The following SPIN1 variants were observed in gnomAD, a reference collection of about 807,000 sequenced individuals.
SPIN1 encodes spindlin 1.
A neutral mutation model predicts 26.0 loss-of-function variants in SPIN1; 3 were observed. The ratio of observed to expected loss-of-function variants is 0.12; its 90% CI spans 0.05 to 0.30. SPIN1 has a LOEUF of 0.30. SPIN1 is among the 10% of genes least tolerant of loss of function. The pLI is 1.00. For missense variants in SPIN1, 126 were observed against 333.4 expected (o/e 0.38, Z 4.84); for synonymous variants, 101 against 116.5 (o/e 0.87, Z 0.86).
chr9:88,396,566 C>T (rs1171280523), intron 1 of SPIN1, among the ~76,000 whole-genome samples: 3 of 152,140 alleles, frequency 2.0e-5, no homozygotes, highest in African/African-American at 7.2e-5. Flanking sequence ...CACACCCCTG[C>T]ACTCCAGACT....
chr9:88,437,913 A>G (rs1177504692), intron 2 of SPIN1, among the ~76,000 whole-genome samples: 1 of 152,050 alleles, frequency 6.6e-6, no homozygotes, highest in Non-Finnish European at 1.5e-5. Context: ...CAATCCCAGC[A>G]CTTTGGGAGG....
intron 1 of SPIN1, among the ~76,000 whole-genome samples, chr9:88,413,731 G>T (rs1173544819): frequency 6.6e-6 from 1 of 152,130 alleles, no homozygotes; most frequent in African/African-American, 2.4e-5. Context: ...AAAATCAATT[G>T]TGGGGTGGTC....
At chr9:88,444,784 G>C (rs541240052) in intron 2 of SPIN1, among the ~76,000 whole-genome samples, 2 of 147,006 alleles carry the variant, frequency 1.4e-5, no homozygotes, top group African/African-American at 5.1e-5. Context: ...TCCACCTCCC[G>C]GGTTCACACC....
At chr9:88,404,864 C>G (rs535401954) in intron 1 of SPIN1, among the ~76,000 whole-genome samples, 2 of 148,338 alleles carry the variant, frequency 1.3e-5, no homozygotes, top group Non-Finnish European at 3.0e-5. Context: ...TGCAGTGAGC[C>G]GAGATCGTGC....
chr9:88,424,056 C>T (rs1827720757), intron 1 of SPIN1, among the ~76,000 whole-genome samples: 1 of 152,202 alleles, frequency 6.6e-6, no homozygotes, highest in African/African-American at 2.4e-5. Context: ...GTGTGAACCA[C>T]TGCGCCTGGC....
At chr9:88,459,745 C>T (rs1010542901) in intron 3 of SPIN1, among the ~76,000 whole-genome samples, 2 of 152,132 alleles carry the variant, frequency 1.3e-5, no homozygotes, top group Non-Finnish European at 2.9e-5. Flanking sequence ...CTGTGAGTTC[C>T]TTGATTATCT....
chr9:88,397,270 G>T (rs779835606), intron 1 of SPIN1, among the ~76,000 whole-genome samples: 1 of 152,010 alleles, frequency 6.6e-6, no homozygotes, highest in Non-Finnish European at 1.5e-5. Flanking sequence ...ATCCACTGTA[G>T]TATATGTGGT....
intron 2 of SPIN1, among the ~76,000 whole-genome samples, chr9:88,430,039 C>A (rs1827836700): frequency 6.6e-6 from 1 of 152,224 alleles, no homozygotes; most frequent in South Asian, 2.1e-4. Flanking sequence ...GAGTCTTAAT[C>A]ATTCTTCCTG....
intron 1 of SPIN1, among the ~76,000 whole-genome samples, chr9:88,400,775 G>A (rs1023695418): frequency 6.6e-6 from 1 of 151,928 alleles, no homozygotes; most frequent in Non-Finnish European, 1.5e-5. Flanking sequence ...AGCCCAGGAG[G>A]CAGAGGTTGC....
chr9:88,415,301 T>G (rs1211720515), intron 1 of SPIN1, among the ~76,000 whole-genome samples: 1 of 152,202 alleles, frequency 6.6e-6, no homozygotes, highest in East Asian at 1.9e-4. Flanking sequence ...CTTAAGTAGC[T>G]GAACATTGTG....
At chr9:88,439,065 AC>A (rs1828066420) in intron 2 of SPIN1, among the ~76,000 whole-genome samples, 1 of 152,172 alleles carries the variant, frequency 6.6e-6, no homozygotes, top group Admixed American at 6.5e-5. Context: ...TTTTTTTCTC[AC>A]CTAAAAAAAT....
At position 88,475,035 on chromosome 9, in the gene SPIN1, TTC is replaced by T. The variant is rs749902187; in HGVS notation, c.590-31_590-30del. The T allele has an allele frequency of 1.3e-3, 1,802 of 1,341,776 alleles. 6 individuals are homozygous for T. The highest frequency in any genetic ancestry group is 2.8e-3 in the South Asian group (166 of 59,640). The allele number at this position is 1,341,776 out of a possible 1,614,324, so 83.1% of individuals were successfully genotyped here. Reference sequence around the variant, plus strand: ...ATATCTAAAAATTGACTTAGAAATTTTCTCTCTCTCTCTTTTTTTTTTTTTTT... The same window carrying T: ...ATATCTAAAAATTGACTTAGAAATTTTCTCTCTCTCTTTTTTTTTTTTTTT... On this transcript the variant is annotated intron_variant, in intron 5 of 5. Transcript: ENST00000375859.
At chr9:88,405,836 A>C (rs145812245) in intron 1 of SPIN1, among the ~76,000 whole-genome samples, 35 of 148,970 alleles carry the variant, frequency 2.3e-4, no homozygotes, top group Admixed American at 7.4e-4. Flanking sequence ...GCTCCATTAT[A>C]ATTTTTTTTG....
At chr9:88,430,697 C>T (rs773078607) in intron 2 of SPIN1, among the ~76,000 whole-genome samples, 6 of 152,060 alleles carry the variant, frequency 3.9e-5, no homozygotes, top group East Asian at 1.9e-4. Context: ...AAATAACTTA[C>T]GTTTATCTGT....
chr9:88,410,519 T>C, intron 1 of SPIN1: 3 of 787,480 alleles, frequency 3.8e-6, no homozygotes, highest in Non-Finnish European at 4.5e-6. Context: ...TGCTAAGCTT[T>C]GTTACCTAAT....
At chr9:88,457,146 G>A (rs914473133) in intron 3 of SPIN1, among the ~76,000 whole-genome samples, 6 of 151,950 alleles carry the variant, frequency 3.9e-5, no homozygotes, top group Non-Finnish European at 8.8e-5. Context: ...GACTACAAAT[G>A]GGTGATAATT....
At chr9:88,453,919 T>G (rs2118155788) in intron 3 of SPIN1, among the ~76,000 whole-genome samples, 2 of 152,370 alleles carry the variant, frequency 1.3e-5, no homozygotes, top group Middle Eastern at 3.4e-3. Context: ...GCTGTGTAAT[T>G]GTTCACCATA....
intron 3 of SPIN1, among the ~76,000 whole-genome samples, chr9:88,456,703 A>G (rs1828479418): frequency 6.6e-6 from 1 of 152,214 alleles, no homozygotes; most frequent in Admixed American, 6.5e-5. Flanking sequence ...ATGCCACTTC[A>G]TCTTGACTTG....
intron 1 of SPIN1, among the ~76,000 whole-genome samples, chr9:88,394,900 C>G (rs1827019336): frequency 6.6e-6 from 1 of 150,722 alleles, no homozygotes; most frequent in Non-Finnish European, 1.5e-5. Context: ...AGCTCCGCCT[C>G]CCGGGTTCAC....
Sources: allele counts gnomAD v4.1 joint callset (sites outside exome capture counted in the v4.1 genomes callset), GRCh38; gene constraint gnomAD v4.1.1; transcripts MANE v1.5; gene names NCBI Gene and HGNC (gene_info 2026-07-23, HGNC 2026-07-21).